Variants in BLTP1 observed in about 807,000 individuals in gnomAD.
BLTP1 encodes the protein fragile site-associated protein.
At chr4:122,260,245 TATG>T in the BLTP1 span, among the ~76,000 whole-genome samples, 15 of 152,310 alleles carry the variant, frequency 9.8e-5, no homozygotes, top group Middle Eastern at 6.8e-3. Context: ...ACAGTAAAAA[TATG>T]ATATTATAAT....
chr4:122,209,229 TAAA>T, the BLTP1 span: 29 of 1,613,368 alleles, frequency 1.8e-5, no homozygotes, highest in African/African-American at 2.7e-5. Context: ...TTTATGCTGG[TAAA>T]AAATTGCCAT....
the BLTP1 span, among the ~76,000 whole-genome samples, chr4:122,248,794 G>C: frequency 1.3e-5 from 2 of 151,960 alleles, no homozygotes; most frequent in Non-Finnish European, 2.9e-5. Flanking sequence ...GAAAATGGGA[G>C]CCAAAGCTGG....
the BLTP1 span, chr4:122,272,036 G>A: frequency 8.3e-7 from 1 of 1,203,956 alleles, no homozygotes; most frequent in Non-Finnish European, 1.2e-6. Flanking sequence ...TCATTTTGTT[G>A]GGGATTAGGA....
At chr4:122,207,430 A>C in the BLTP1 span, 1 of 1,452,974 alleles carries the variant, frequency 6.9e-7, no homozygotes, top group African/African-American at 1.4e-5. Flanking sequence ...TATTGGACTA[A>C]AACTTAATTT....
chr4:122,305,823 A>G, the BLTP1 span: 1 of 1,456,838 alleles, frequency 6.9e-7, no homozygotes, highest in Middle Eastern at 2.2e-4. Context: ...GTTTAGTTTC[A>G]TATTAAAACT....
chr4:122,271,731 G>T, the BLTP1 span: 1 of 1,527,410 alleles, frequency 6.5e-7, no homozygotes, highest in South Asian at 1.3e-5. Context: ...GCAGGTAACA[G>T]ACATTTTTAT....
At chr4:122,199,523 TTAAG>T in the BLTP1 span, 2 of 1,296,236 alleles carry the variant, frequency 1.5e-6, no homozygotes, top group Non-Finnish European at 2.2e-6. Flanking sequence ...TATATTAAGT[TTAAG>T]TAACCAGGAA....
At chr4:122,222,515 C>T in the BLTP1 span, among the ~76,000 whole-genome samples, 2 of 152,152 alleles carry the variant, frequency 1.3e-5, no homozygotes, top group African/African-American at 4.8e-5. Flanking sequence ...TTTATTCTCT[C>T]ACAGTTCTGG....
the BLTP1 span, chr4:122,356,084 C>G: frequency 1.2e-6 from 1 of 861,354 alleles, no homozygotes; most frequent in South Asian, 2.4e-5. Context: ...ATACTAATAT[C>G]TAATGAAATT....
At chr4:122,319,830 T>C in the BLTP1 span, among the ~76,000 whole-genome samples, 1 of 152,120 alleles carries the variant, frequency 6.6e-6, no homozygotes, top group Non-Finnish European at 1.5e-5. Flanking sequence ...TGAGCCACCA[T>C]GCCTGGCCAT....
the BLTP1 span, chr4:122,175,951 T>C: frequency 2.0e-6 from 2 of 983,580 alleles, no homozygotes; most frequent in Non-Finnish European, 3.2e-6. Flanking sequence ...AAATGTTCAA[T>C]CATATAATCA....
the BLTP1 span, among the ~76,000 whole-genome samples, chr4:122,348,217 G>T: frequency 6.6e-6 from 1 of 152,140 alleles, no homozygotes; most frequent in African/African-American, 2.4e-5. Flanking sequence ...CTGCCTTTGA[G>T]TCCTGTATTT....
the BLTP1 span, chr4:122,164,320 T>A: frequency 2.4e-6 from 2 of 819,128 alleles, no homozygotes; most frequent in Admixed American, 1.2e-4. Flanking sequence ...CATCACTTTG[T>A]CTTTTTCTTT....
chr4:122,253,670 G>T, the BLTP1 span, among the ~76,000 whole-genome samples: 1 of 152,070 alleles, frequency 6.6e-6, no homozygotes, highest in South Asian at 2.1e-4. Flanking sequence ...AGCCTCAAAA[G>T]GGCAAATCTA....
At chr4:122,291,852 A>C in the BLTP1 span, 2 of 978,268 alleles carry the variant, frequency 2.0e-6, no homozygotes, top group Non-Finnish European at 2.4e-6. Context: ...TGAATGGTTG[A>C]GCTTTTGCTT....
the BLTP1 span, among the ~76,000 whole-genome samples, chr4:122,319,767 C>T: frequency 6.6e-6 from 1 of 152,000 alleles, no homozygotes; most frequent in African/African-American, 2.4e-5. Context: ...TCTTGAATGT[C>T]TTACCTCGTG....
At chr4:122,208,128 A>G in the BLTP1 span, 2 of 979,608 alleles carry the variant, frequency 2.0e-6, no homozygotes, top group Non-Finnish European at 2.4e-6. Flanking sequence ...TTATACTGGT[A>G]AAATTAGCAA....
the BLTP1 span, among the ~76,000 whole-genome samples, chr4:122,155,614 G>A: frequency 0.036 from 5,450 of 152,184 alleles, 343 homozygotes; most frequent in African/African-American, 0.12. Flanking sequence ...GTGAGCCACC[G>A]CGCCTGGTGA....
chr4:122,176,606 T>C, the BLTP1 span, among the ~76,000 whole-genome samples: 1 of 152,198 alleles, frequency 6.6e-6, no homozygotes, highest in East Asian at 1.9e-4. Flanking sequence ...CATATAGTAA[T>C]ATTTTTATGA....
Sources: allele counts gnomAD v4.1 joint callset (sites outside exome capture counted in the v4.1 genomes callset), GRCh38; gene constraint gnomAD v4.1.1; transcripts MANE v1.5; gene names NCBI Gene and HGNC (gene_info 2026-07-23, HGNC 2026-07-21).